The following NDST3 variants were observed in gnomAD, a reference collection of about 807,000 sequenced individuals.
NDST3 encodes N-deacetylase and N-sulfotransferase 3.
NDST3 carries 58 observed loss-of-function variants against 96.1 expected under a neutral mutation model. That is an observed-to-expected ratio of 0.60 (90% CI 0.49 to 0.75). The LOEUF (loss-of-function observed/expected upper bound fraction) is 0.75, where lower values mean the gene tolerates loss of function less well. Ranked by LOEUF, NDST3 falls within the 30% of genes least tolerant of loss-of-function variation. The pLI is 0.00. For missense variants in NDST3, 788 were observed against 1,034.2 expected (o/e 0.76, Z 3.27); for synonymous variants, 333 against 359.7 (o/e 0.93, Z 0.84).
intron 6 of NDST3, among the ~76,000 whole-genome samples, chr4:118,191,448 G>C (rs1396872284): frequency 6.6e-6 from 1 of 152,122 alleles, no homozygotes; most frequent in Non-Finnish European, 1.5e-5. Flanking sequence ...TTTAAACTTA[G>C]CTATTGTTTC....
At position 118,104,673 on chromosome 4, in the gene NDST3, C is replaced by T. The variant is rs192676381; in HGVS notation, c.982-345C>T. Among the ~76,000 whole-genome samples the T allele has an allele frequency of 1.1e-4, 17 of 152,198 alleles. No individual in the cohort carries two copies. The East Asian group carries it at 2.9e-3, about 26-fold the overall frequency. On this transcript the variant is annotated intron_variant, in intron 2 of 13. Transcript: ENST00000296499. ...CTAAAAATGAGTGCCCTTCTTTTGG[C>T]AATTGGTGATCTATATGCCTGAAGG...
intron 2 of NDST3, among the ~76,000 whole-genome samples, chr4:118,103,424 G>A (rs977544453): frequency 1.3e-5 from 2 of 151,974 alleles, no homozygotes; most frequent in Admixed American, 6.6e-5. Context: ...GGAGAAGAAA[G>A]AAAGGGAAGA....
chr4:118,193,541 G>T (rs1310879754), intron 6 of NDST3: 1 of 994,966 alleles, frequency 1.0e-6, no homozygotes, highest in Non-Finnish European at 1.6e-6. Flanking sequence ...CCTCTCAAAC[G>T]TGTTGGCGTA....
intron 6 of NDST3, among the ~76,000 whole-genome samples, chr4:118,184,545 CTCTG>C (rs1190085038): frequency 3.3e-5 from 5 of 151,458 alleles, no homozygotes; most frequent in Non-Finnish European, 4.4e-5. Flanking sequence ...CAAAATAAAT[CTCTG>C]TCTGTCTGTC....
chr4:118,126,148 A>G (rs1285803643), intron 4 of NDST3, among the ~76,000 whole-genome samples: 1 of 152,028 alleles, frequency 6.6e-6, no homozygotes, highest in Non-Finnish European at 1.5e-5. Flanking sequence ...TGCTTCACAA[A>G]TTCAAATAAT....
rs769851572 is a variant in NDST3 at position 118,054,694 on chromosome 4, G to C, written c.784G>C (p.Gly262Arg). ...AFYATIIHDL[G>R]LHDGIQRVLF... ...TTATGCCACTATTATACATGACCTG[G>C]GGCTTCATGATGGAATTCAAAGGGT... The change falls in exon 2 of 14, where the codon GGG becomes CGG. Residue 262 changes from glycine (G) to arginine (R), a missense_variant. By Grantham distance (125) the Gly-to-Arg change is moderately radical (BLOSUM62 -2). Transcript: ENST00000296499. 1.2e-6 allele frequency: 2 copies of C among 1,613,244 alleles called. No homozygotes were observed. The highest frequency in any genetic ancestry group is 1.7e-6 in the Non-Finnish European group (2 of 1,179,470).
At chr4:118,094,226 T>C (rs13127321) in intron 2 of NDST3, among the ~76,000 whole-genome samples, 114,266 of 151,824 alleles carry the variant, frequency 0.75, 45,662 homozygotes, top group South Asian at 0.92. Flanking sequence ...TGCTTATTTT[T>C]GCATCTGCAA....
chr4:118,148,900 A>C (rs556341060), intron 6 of NDST3, among the ~76,000 whole-genome samples: 24 of 152,330 alleles, frequency 1.6e-4, no homozygotes, highest in Admixed American at 3.3e-4. Context: ...CTAACGTTTA[A>C]GTCTTTAATC....
chr4:118,221,196 T>C (rs1208977513), intron 6 of NDST3, among the ~76,000 whole-genome samples: 1 of 151,986 alleles, frequency 6.6e-6, no homozygotes, highest in Admixed American at 6.6e-5. Context: ...AAAACAAAAC[T>C]GGTTGGCTGA....
At chr4:118,157,233 A>G (rs556183186) in intron 6 of NDST3, among the ~76,000 whole-genome samples, 1 of 152,262 alleles carries the variant, frequency 6.6e-6, no homozygotes, top group African/African-American at 2.4e-5. Context: ...CTTGTACGAA[A>G]AGAAATACAG....
intron 6 of NDST3, among the ~76,000 whole-genome samples, chr4:118,203,587 T>C (rs1446527480): frequency 6.6e-6 from 1 of 152,342 alleles, no homozygotes; most frequent in African/African-American, 2.4e-5. Context: ...ATTTTCTAAT[T>C]TGTGTGCATA....
chr4:118,035,468 A>G (rs974747054), intron 1 of NDST3, among the ~76,000 whole-genome samples: 2 of 148,140 alleles, frequency 1.4e-5, no homozygotes, highest in African/African-American at 5.0e-5. Flanking sequence ...AGAAAATTTC[A>G]TGTTATCAAC....
intron 2 of NDST3, 69 bp from the exon 3 acceptor site, chr4:118,104,949 G>A (rs1730048529): frequency 8.0e-7 from 1 of 1,254,762 alleles, no homozygotes. Context: ...AATGCAAAAA[G>A]GATATATCTT....
At chr4:118,063,714 T>C (rs573745680) in intron 2 of NDST3, among the ~76,000 whole-genome samples, 30 of 152,254 alleles carry the variant, frequency 2.0e-4, no homozygotes, top group Middle Eastern at 3.4e-3. Flanking sequence ...AGAAATCCTA[T>C]AAAACAAAGA....
chr4:118,172,959 G>A (rs1331752777), intron 6 of NDST3, among the ~76,000 whole-genome samples: 1 of 151,970 alleles, frequency 6.6e-6, no homozygotes, highest in Non-Finnish European at 1.5e-5. Flanking sequence ...ATCAGCAATT[G>A]TACTTCTCGC....
chr4:118,175,896 T>C (rs1488089408), intron 6 of NDST3, among the ~76,000 whole-genome samples: 4 of 152,088 alleles, frequency 2.6e-5, no homozygotes, highest in African/African-American at 9.7e-5. Context: ...ATGTTTACAA[T>C]TGTTTGTGTG....
intron 12 of NDST3, among the ~76,000 whole-genome samples, chr4:118,244,224 A>T (rs1281686570): frequency 2.0e-5 from 3 of 152,166 alleles, no homozygotes; most frequent in Non-Finnish European, 4.4e-5. Context: ...CTTGGGTCTA[A>T]ATTGATCATC....
rs778628771 is a variant in NDST3 at position 118,054,866 on chromosome 4, C to T, written c.956C>T (p.Thr319Ile). ...GATATATTTGTGGGAAAAGAGGGAA[C>T]AAGAATGAACACCAATGATGTAAAG... ...IDDIFVGKEG[T>I]RMNTNDVKAL... is the part of the protein sequence containing the mutation. The change falls in exon 2 of 14, where the codon ACA becomes ATA. Residue 319 changes from threonine (T) to isoleucine (I), a missense_variant. Around this residue, in one of 3 missense-constraint regions of NDST3, gnomAD observed 490 missense variants for 708.8 expected, o/e 0.69. Coordinates refer to ENST00000296499, the MANE Select transcript of NDST3 (RefSeq NM_004784.3). The T allele has an allele frequency of 1.2e-6, 2 of 1,611,454 alleles. No homozygotes were observed. Among genetic ancestry groups the T allele is most frequent in the Non-Finnish European group, 1.7e-6 (2 of 1,179,052 alleles).
chr4:118,039,894 AG>A (rs1724350033), intron 1 of NDST3, among the ~76,000 whole-genome samples: 1 of 152,244 alleles, frequency 6.6e-6, no homozygotes, highest in African/African-American at 2.4e-5. Flanking sequence ...CATACCACAC[AG>A]GGTCTTGTGG....
Sources: allele counts gnomAD v4.1 joint callset (sites outside exome capture counted in the v4.1 genomes callset), GRCh38; gene constraint gnomAD v4.1.1; regional missense constraint gnomAD v4.1.1; transcripts MANE v1.5; gene names NCBI Gene and HGNC (gene_info 2026-07-23, HGNC 2026-07-21).